The following INF2 variants were observed in gnomAD, a reference collection of about 807,000 sequenced individuals.
INF2 encodes the protein inverted formin 2.
A neutral mutation model predicts 123.5 loss-of-function variants in INF2; 43 were observed. The ratio of observed to expected loss-of-function variants is 0.35; its 90% CI spans 0.27 to 0.45. INF2 has a LOEUF of 0.45. Ranked by LOEUF, INF2 falls within the 20% of genes least tolerant of loss-of-function variation. The pLI is 1.00. For missense variants in INF2, 1,453 were observed against 1,682.7 expected (o/e 0.86, Z 2.39); for synonymous variants, 851 against 745.0 (o/e 1.14, Z -2.32).
intron 1 of INF2, among the ~76,000 whole-genome samples, chr14:104,698,462 A>G (rs538904576): frequency 6.6e-6 from 1 of 152,328 alleles, no homozygotes; most frequent in Non-Finnish European, 1.5e-5. Flanking sequence ...GTTTTCTCAT[A>G]TGGATAATTC....
chr14:104,717,981 C>T (rs1419978399), intron 22 of INF2, among the ~76,000 whole-genome samples: 2 of 152,242 alleles, frequency 1.3e-5, no homozygotes, highest in Non-Finnish European at 2.9e-5. Flanking sequence ...TGAGCGCTTC[C>T]CATCTTTGGC....
intron 1 of INF2, chr14:104,690,807 C>T (rs965462814): frequency 6.6e-6 from 1 of 152,248 alleles, no homozygotes; most frequent in Non-Finnish European, 1.5e-5. Flanking sequence ...AAGGTGGGGT[C>T]CCAGAGCAGT....
At chr14:104,710,052 G>T (rs993072031) in intron 12 of INF2, 36 bp from the exon 13 acceptor site, 2 of 1,498,596 alleles carry the variant, frequency 1.3e-6, no homozygotes, top group Non-Finnish European at 1.8e-6. Context: ...CAGGTGGGGG[G>T]TGCAGGCCAC....
At chr14:104,710,271 C>A in intron 13 of INF2, 83 bp downstream of exon 13, 1 of 950,554 alleles carries the variant, frequency 1.1e-6, no homozygotes, top group Non-Finnish European at 1.6e-6. Flanking sequence ...GCCCCTGCTA[C>A]TGCCAGTATC....
At position 104,706,193 on chromosome 14, in the gene INF2, A is replaced by G. The variant is rs1166412662; in HGVS notation, c.843+17A>G. 3.9e-6 allele frequency: 6 copies of G among 1,550,936 alleles called. No individual in the cohort carries two copies. The African/African-American group carries it at 6.8e-5, about 18-fold the overall frequency. The stretch of plus-strand genomic sequence containing the variant: ...TTCCACAAGGTGGGCTGGGGGCTGC[A>G]GGGCGGAGGGCAGCCCTCCAGGGCA... On this transcript the variant is annotated intron_variant, in intron 6 of 22. Transcript: ENST00000392634.
At chr14:104,697,538 CCA>C (rs1172417971) in intron 1 of INF2, among the ~76,000 whole-genome samples, 89 of 152,384 alleles carry the variant, frequency 5.8e-4, no homozygotes, top group South Asian at 8.3e-4. Flanking sequence ...CCCACCCACA[CCA>C]CACACTCAGC....
Position 104,714,583 on chromosome 14 carries a change from C to T in INF2, c.3421C>T (p.Leu1141Phe), listed in dbSNP as rs751272946. 1 of 1,612,660 alleles carries T rather than the reference C, an allele frequency of 6.2e-7. No individual in the cohort carries two copies. Residue 1141 changes from leucine (L) to phenylalanine (F), a missense_variant, in exon 21 of 23, where the codon CTC becomes TTC. Coordinates refer to ENST00000392634, the MANE Select transcript of INF2 (RefSeq NM_022489.4). ...AKDPTSLLGVLQAEADSTSEG... is the reference protein window; with the variant it reads ...AKDPTSLLGVFQAEADSTSEG... ...GGATCCCACGTCCTTGCTGGGCGTC[C>T]TCCAGGCCGAGGCCGACAGCACAAG...
At chr14:104,715,850 C>G (rs370295889) in intron 22 of INF2, 2 of 458,646 alleles carry the variant, frequency 4.4e-6, no homozygotes, top group Non-Finnish European at 8.7e-6. Flanking sequence ...GTGAGGAGAC[C>G]GGGACAGTCG....
At chr14:104,714,972 T>C (rs1380101094) in intron 21 of INF2, 116 bp downstream of exon 21, 1 of 1,163,818 alleles carries the variant, frequency 8.6e-7, no homozygotes, top group Non-Finnish European at 1.2e-6. Context: ...AGAGGTGACT[T>C]GGGTGCGGCA....
At chr14:104,692,050 A>G (rs1888978704) in intron 1 of INF2, among the ~76,000 whole-genome samples, 1 of 152,206 alleles carries the variant, frequency 6.6e-6, no homozygotes, top group African/African-American at 2.4e-5. Flanking sequence ...GGGGTTGCTT[A>G]GGGTCGCCCC....
intron 6 of INF2, 132 bp from the exon 7 acceptor site, chr14:104,706,778 A>T: frequency 1.7e-5 from 17 of 994,880 alleles, no homozygotes; most frequent in Non-Finnish European, 1.9e-5. Flanking sequence ...ACAGTCGCTG[A>T]AACTCTCATC....
Position 104,707,056 on chromosome 14 carries a change from G to GGGGGC in INF2, c.985+11_985+15dup, listed in dbSNP as rs1336428059. ...CCGTGCTCCTGGCCAGCGATGGTGA[G>GGGGGC]GGGGCGGGGCAGGGGCGTAGGCACA... On this transcript the variant is annotated splice_donor_region_variant and intron_variant, in intron 7 of 22. Coordinates refer to ENST00000392634, the MANE Select transcript of INF2 (RefSeq NM_022489.4). 6.3e-7 allele frequency: 1 copy of GGGGGC among 1,574,926 alleles called. No homozygotes were observed.
In INF2 at chr14:104,708,574, A is replaced by G. The variant is rs1566782495; in HGVS notation, c.1874A>G (p.Lys625Arg). 6.2e-7 allele frequency: 1 copy of G among 1,612,070 alleles called. No individual in the cohort carries two copies. The highest frequency in any genetic ancestry group is 8.5e-7 in the Non-Finnish European group (1 of 1,179,694). The change falls in exon 9 of 23, where the codon AAG becomes AGG. Residue 625 changes from lysine (K) to arginine (R), a missense_variant. Lys to Arg is a conservative substitution (Grantham distance 26). Around this residue, in one of 8 missense-constraint regions of INF2, gnomAD observed 192 missense variants for 274.4 expected, o/e 0.70. Coordinates refer to ENST00000392634, the MANE Select transcript of INF2 (RefSeq NM_022489.4). ...ACCATGGTGGCCCCCCGGGCCAGGA[A>G]GGAGCCCAAGGAGGTGGGGACGGGG... ...EPTMVAPRAR[K>R]EPKEITFLDA...
rs1307591517 is a variant in INF2, at chr14:104,721,263, G to A, written c.*2470G>A. 1 of 129,632 alleles carries A rather than the reference G, an allele frequency of 7.7e-6. No homozygotes were observed. The allele number at this position is 129,632 out of a possible 1,614,324, so 8.0% of individuals were successfully genotyped here. ...TGTGGATGCTGCTGTGGACGTCTGC[G>A]TAGTCTCGTGTGGATGCTGCTGTGG... On this transcript the variant is annotated 3_prime_UTR_variant, in exon 23 of 23. Transcript: ENST00000392634.
In INF2 at chr14:104,699,372, G is replaced by A. The variant is rs1889361493; in HGVS notation, c.-9-1985G>A. 1.0e-6 allele frequency: 1 copy of A among 984,788 alleles called. No individual in the cohort carries two copies. The highest frequency in any genetic ancestry group is 1.7e-5 in the African/African-American group (1 of 57,212). 61.0% of individuals were successfully genotyped at this position (984,788 alleles called of 1,614,324 possible). On this transcript the variant is annotated intron_variant, in intron 1 of 22. Transcript: ENST00000392634. The surrounding 1 kb of genome is among the most constrained non-coding windows in gnomAD (Gnocchi z 4.7). ...CTTTAGGCAGCAACAGCCAAGGCGG[G>A]TGGGAATATATGCAGAGGCCCGGCT...
At position 104,712,790 on chromosome 14, in the gene INF2, G is replaced by A. The variant is rs756245559; in HGVS notation, c.2611-38G>A. ...GCCTCACCCCGGGTGGTGCCCGCGC[G>A]GGGCTCTCACGGGACTGTCACGTGC... On this transcript the variant is annotated intron_variant, in intron 17 of 22. Transcript: ENST00000392634. 1.1e-4 allele frequency: 170 copies of A among 1,574,230 alleles called. No individual in the cohort carries two copies. In the Admixed American group the frequency reaches 1.3e-3, roughly 13 times the overall value.
intron 12 of INF2, 74 bp downstream of exon 12, chr14:104,709,779 C>A: frequency 1.5e-6 from 2 of 1,335,220 alleles, no homozygotes; most frequent in South Asian, 1.2e-5. Flanking sequence ...GAGCAGGGCC[C>A]AGCCAGGGAG....
intron 11 of INF2, 35 bp from the exon 12 acceptor site, chr14:104,709,585 T>C (rs774729436): frequency 1.9e-6 from 3 of 1,582,674 alleles, no homozygotes; most frequent in Admixed American, 3.3e-5. Flanking sequence ...GAAGCTGGCA[T>C]GGGGGGATCC....
intron 1 of INF2, among the ~76,000 whole-genome samples, chr14:104,697,955 G>T (rs940701338): frequency 1.3e-5 from 2 of 152,240 alleles, no homozygotes; most frequent in Non-Finnish European, 2.9e-5. Context: ...ATGGGGTCTG[G>T]CCTGAGCCAT....
Sources: gnomAD v4.1 joint callset for allele counts (sites outside exome capture counted in the v4.1 genomes callset) on GRCh38, gnomAD v4.1.1 for gene constraint, gnomAD v4.1.1 regional missense constraint, Gnocchi (gnomAD v3.1) non-coding constraint, MANE v1.5 for transcripts, NCBI Gene and HGNC (gene_info 2026-07-23, HGNC 2026-07-21) for gene names.